Variants in ADAMTS17 observed in about 807,000 individuals in gnomAD.
ADAMTS17 encodes A disintegrin and metalloproteinase with thrombospondin motifs 17.
Under a neutral mutation model 141.5 loss-of-function variants are expected in ADAMTS17, and 113 were observed. The ratio of observed to expected loss-of-function variants is 0.80; its 90% CI spans 0.69 to 0.93. The LOEUF is 0.93. Ranked by LOEUF, ADAMTS17 falls within the 40% of genes least tolerant of loss-of-function variation. The probability of loss-of-function intolerance (pLI) is 0.00; values close to 1 mark genes in which losing one functional copy is unlikely to be tolerated. For synonymous variants in ADAMTS17, 768 were observed against 630.6 expected (o/e 1.22, Z -3.27); for missense variants, 1,659 against 1,517.9 (o/e 1.09, Z -1.54).
chr15:100,199,225 C>T, intron 8 of ADAMTS17, 93 bp downstream of exon 8: 1 of 1,196,720 alleles, frequency 8.4e-7, no homozygotes, highest in Non-Finnish European at 1.2e-6. Flanking sequence ...AGGCATAGAG[C>T]AGCACTGTTT....
intron 18 of ADAMTS17, among the ~76,000 whole-genome samples, chr15:100,020,021 T>C (rs1290835664): frequency 6.6e-6 from 1 of 150,952 alleles, no homozygotes; most frequent in Non-Finnish European, 1.5e-5. Flanking sequence ...TCCCAAAGCA[T>C]AATGACGTGG....
rs557597968 is a variant in ADAMTS17 at position 100,233,176 on chromosome 15, A to G, written c.1075+20960T>C. On this transcript the variant is annotated intron_variant, in intron 7 of 21. Transcript: ENST00000268070. ...AAATCCCGTCTCTACTAAAAAGACA[A>G]AAAATGAGTCGGGCGTGGGGACGGA... is the stretch of plus-strand genomic sequence containing the variant. Among the ~76,000 whole-genome samples, 17 of 152,276 alleles carry G rather than the reference A, an allele frequency of 1.1e-4. No individual in the cohort carries two copies. The South Asian group carries it at 3.5e-3, about 32-fold the overall frequency.
rs1406725003 is a variant in ADAMTS17 at position 100,281,211 on chromosome 15, C to T, written c.789+18G>A. The T allele has an allele frequency of 1.6e-5, 25 of 1,601,804 alleles. No homozygotes were observed. The highest frequency in any genetic ancestry group is 1.9e-5 in the Non-Finnish European group (23 of 1,179,896). On this transcript the variant is annotated intron_variant, in intron 4 of 21. Coordinates refer to ENST00000268070, the MANE Select transcript of ADAMTS17 (RefSeq NM_139057.4). ...GAAAACAGAGCCCCCCACATCAGGA[C>T]CCCGGCTCCGGACTCACCATGTTCA...
intron 7 of ADAMTS17, among the ~76,000 whole-genome samples, chr15:100,205,000 G>A (rs1248984591): frequency 5.3e-5 from 8 of 152,272 alleles, no homozygotes; most frequent in East Asian, 1.9e-4. Context: ...GTGTTGTAAC[G>A]CCATGTGAGC....
intron 7 of ADAMTS17, among the ~76,000 whole-genome samples, chr15:100,251,986 T>C (rs1320605370): frequency 3.3e-5 from 5 of 152,142 alleles, no homozygotes; most frequent in African/African-American, 4.8e-5. Flanking sequence ...ACATTTCTGT[T>C]GTTAAAGCCA....
chr15:100,274,230 T>C (rs1373972886), intron 4 of ADAMTS17, among the ~76,000 whole-genome samples: 2 of 152,224 alleles, frequency 1.3e-5, no homozygotes, highest in Non-Finnish European at 2.9e-5. Flanking sequence ...TATTTCCTTT[T>C]CTTCTGTCTG....
chr15:100,272,539 G>A (rs942010218), intron 4 of ADAMTS17, among the ~76,000 whole-genome samples: 6 of 147,820 alleles, frequency 4.1e-5, no homozygotes, highest in Admixed American at 1.4e-4. Context: ...GGTTTAGTAC[G>A]TGGCTACTTT....
intron 7 of ADAMTS17, among the ~76,000 whole-genome samples, chr15:100,227,182 C>T (rs1399119025): frequency 6.6e-6 from 1 of 152,158 alleles, no homozygotes; most frequent in Non-Finnish European, 1.5e-5. Flanking sequence ...GTGTTTCAAC[C>T]ATCTCCTGAA....
At chr15:100,223,668 C>A (rs1438162707) in intron 7 of ADAMTS17, among the ~76,000 whole-genome samples, 1 of 150,960 alleles carries the variant, frequency 6.6e-6, no homozygotes, top group Non-Finnish European at 1.5e-5. Flanking sequence ...CACACACCCA[C>A]AGACACACAC....
At chr15:100,340,984 C>T in intron 2 of ADAMTS17, 55 bp downstream of exon 2, 1 of 1,521,008 alleles carries the variant, frequency 6.6e-7, no homozygotes, top group Non-Finnish European at 8.8e-7. Context: ...CCACGGCGAC[C>T]ACTCTGCGTC....
intron 3 of ADAMTS17, among the ~76,000 whole-genome samples, chr15:100,303,496 G>C (rs2045115035): frequency 6.6e-6 from 1 of 151,754 alleles, no homozygotes; most frequent in African/African-American, 2.4e-5. Flanking sequence ...TTCTTTGGTT[G>C]CTTGTGCTTT....
chr15:100,247,283 G>T (rs1457359727), intron 7 of ADAMTS17, among the ~76,000 whole-genome samples: 1 of 152,212 alleles, frequency 6.6e-6, no homozygotes, highest in Non-Finnish European at 1.5e-5. Flanking sequence ...CAAACAGATA[G>T]GAGAGCCCCA....
chr15:100,296,627 G>A (rs569924341), intron 3 of ADAMTS17, among the ~76,000 whole-genome samples: 22 of 152,070 alleles, frequency 1.4e-4, no homozygotes, highest in East Asian at 3.9e-4. Flanking sequence ...GCGCATGCAC[G>A]CGCACGTGCA....
At chr15:100,081,803 T>C (rs938532432) in intron 15 of ADAMTS17, among the ~76,000 whole-genome samples, 2 of 152,218 alleles carry the variant, frequency 1.3e-5, no homozygotes, top group African/African-American at 2.4e-5. Context: ...GAATTTGCAT[T>C]TCCCTGATAA....
At chr15:100,033,134 C>T (rs1214565973) in intron 18 of ADAMTS17, among the ~76,000 whole-genome samples, 1 of 152,168 alleles carries the variant, frequency 6.6e-6, no homozygotes, top group African/African-American at 2.4e-5. Context: ...CAGGGTTGAA[C>T]CAGCAGCTGA....
chr15:100,303,412 A>G (rs1011937445), intron 3 of ADAMTS17, among the ~76,000 whole-genome samples: 9 of 151,428 alleles, frequency 5.9e-5, no homozygotes, highest in Non-Finnish European at 1.2e-4. Context: ...TATGAGTTGT[A>G]TTTTTACTTT....
chr15:100,233,127 C>T (rs2042540786), intron 7 of ADAMTS17, among the ~76,000 whole-genome samples: 1 of 152,110 alleles, frequency 6.6e-6, no homozygotes, highest in African/African-American at 2.4e-5. Flanking sequence ...TCAGGAGCTC[C>T]AGACTAGTCT....
intron 7 of ADAMTS17, among the ~76,000 whole-genome samples, chr15:100,250,248 A>G (rs764354658): frequency 1.3e-5 from 2 of 152,186 alleles, no homozygotes; most frequent in Non-Finnish European, 2.9e-5. Flanking sequence ...CAACAAAAAA[A>G]CGCTGTTATA....
chr15:100,125,228 C>A (rs974155947), intron 12 of ADAMTS17, among the ~76,000 whole-genome samples: 1 of 152,230 alleles, frequency 6.6e-6, no homozygotes, highest in Non-Finnish European at 1.5e-5. Context: ...ACCCTCAGGG[C>A]AGCAGACATC....
Sources: gnomAD v4.1 joint callset for allele counts (sites outside exome capture counted in the v4.1 genomes callset) on GRCh38, gnomAD v4.1.1 for gene constraint, MANE v1.5 for transcripts, NCBI Gene and HGNC (gene_info 2026-07-23, HGNC 2026-07-21) for gene names.